Variants in CIZ1 observed in about 807,000 individuals in gnomAD.
CIZ1 encodes cip1-interacting zinc finger protein.
A neutral mutation model predicts 118.6 loss-of-function variants in CIZ1; 58 were observed. The observed-to-expected ratio is 0.49, with a 90% CI of 0.40 to 0.61. The LOEUF is 0.61. Ranked by LOEUF, CIZ1 falls within the 20% of genes least tolerant of loss-of-function variation. The pLI is 0.00. For synonymous variants in CIZ1, 448 were observed against 443.4 expected (o/e 1.01, Z -0.13); for missense variants, 921 against 1,115.9 (o/e 0.83, Z 2.49).
intron 14 of CIZ1, chr9:128,167,377 T>G (rs1199519185): frequency 6.7e-5 from 36 of 536,364 alleles, no homozygotes; most frequent in Non-Finnish European, 9.8e-6. Context: ...TCTGTTCAAC[T>G]AGCCCCCTCC....
chr9:128,173,593 T>G (rs996205413), intron 11 of CIZ1, among the ~76,000 whole-genome samples: 1 of 152,136 alleles, frequency 6.6e-6, no homozygotes, highest in Non-Finnish European at 1.5e-5. Context: ...TATTTTTCAA[T>G]GTGCATTTTG....
intron 5 of CIZ1, among the ~76,000 whole-genome samples, chr9:128,183,816 A>G (rs557287046): frequency 1.3e-5 from 2 of 152,220 alleles, no homozygotes; most frequent in East Asian, 3.9e-4. Flanking sequence ...CCCAGGCTGG[A>G]GTGCAATGGC....
chr9:128,180,069 G>C (rs374954742), intron 7 of CIZ1, among the ~76,000 whole-genome samples: 1 of 152,126 alleles, frequency 6.6e-6, no homozygotes, highest in South Asian at 2.1e-4. Flanking sequence ...TAAATAAACC[G>C]GGGAGGATCG....
chr9:128,183,573 G>C (rs1162224627), intron 5 of CIZ1, among the ~76,000 whole-genome samples: 1 of 152,240 alleles, frequency 6.6e-6, no homozygotes, highest in Non-Finnish European at 1.5e-5. Flanking sequence ...TCAGGGACAG[G>C]ACAGTCTAGG....
At chr9:128,200,305 T>C (rs1244904244) in intron 1 of CIZ1, 1 of 151,972 alleles carries the variant, frequency 6.6e-6, no homozygotes, top group Non-Finnish European at 1.5e-5. Context: ...TTTCAAATAC[T>C]TGTGTAAAGT....
At chr9:128,178,533 C>T (rs377648221) in intron 8 of CIZ1, 43 bp from the exon 9 acceptor site, 1 of 1,613,494 alleles carries the variant, frequency 6.2e-7, no homozygotes, top group Non-Finnish European at 8.5e-7. Context: ...TCCCCAGGCC[C>T]AAGAGCTGCC....
Position 128,176,527 on chromosome 9 carries a change from G to T in CIZ1, c.1819-52C>A, listed in dbSNP as rs1163186300. On this transcript the variant is annotated intron_variant, in intron 10 of 16. Coordinates refer to ENST00000372938, the MANE Select transcript of CIZ1 (RefSeq NM_001131016.2). ...GCCTGGGGCGTGAGCCCAGAACAGT[G>T]GGCAAGGCTGGGGCCTGGGGAGGCA... 3.8e-6 allele frequency: 6 copies of T among 1,575,796 alleles called. No individual in the cohort carries two copies. The Admixed American group carries it at 8.8e-5, about 23-fold the overall frequency.
At chr9:128,200,994 C>T (rs1298203764) in intron 1 of CIZ1, among the ~76,000 whole-genome samples, 3 of 151,894 alleles carry the variant, frequency 2.0e-5, no homozygotes, top group East Asian at 1.9e-4. Context: ...ATTGGCCGGG[C>T]GCAGTGGTTC....
chr9:128,198,704 T>A (rs45618932), intron 1 of CIZ1, among the ~76,000 whole-genome samples: 3,960 of 152,052 alleles, frequency 0.026, 179 homozygotes, highest in African/African-American at 0.088. Flanking sequence ...TGGTGGTGAG[T>A]GCCTGTCGTT....
rs1831426958 is a variant in CIZ1 at position 128,180,409 on chromosome 9, A to G, written c.791+6T>C. ...GGGCGCAGGTCAGGTTTTCAGCATCAGTTACCTCCTCAATCTCTTTGCTGG... is the reference window on the plus strand; with the variant it reads ...GGGCGCAGGTCAGGTTTTCAGCATCGGTTACCTCCTCAATCTCTTTGCTGG... On this transcript the variant is annotated splice_donor_region_variant and intron_variant, in intron 7 of 16. Transcript: ENST00000372938. 1 of 1,610,752 alleles carries G rather than the reference A, an allele frequency of 6.2e-7. No individual in the cohort carries two copies. Among genetic ancestry groups the G allele is most frequent in the Non-Finnish European group, 8.5e-7 (1 of 1,176,972 alleles).
rs757619613 is a variant in CIZ1 at position 128,179,149 on chromosome 9, T to G, written c.1058A>C (p.His353Pro). The G allele has an allele frequency of 1.2e-6, 2 of 1,614,014 alleles. No homozygotes were observed. Among genetic ancestry groups the G allele is most frequent in the Non-Finnish European group, 1.7e-6 (2 of 1,180,002 alleles). ...KQAQTQTSPE[H>P]LVLQQKQVQP... ...CACCTGCTTCTGTTGCAGCACTAAGTGCTCTGGAGAGGTCTGTGTTTGCGC... is the reference window on the plus strand; with the variant it reads ...CACCTGCTTCTGTTGCAGCACTAAGGGCTCTGGAGAGGTCTGTGTTTGCGC... Residue 353 changes from histidine (H) to proline (P), a missense_variant, in exon 8 of 17, where the codon CAC (histidine) becomes CCC (proline). Coordinates refer to ENST00000372938, the MANE Select transcript of CIZ1 (RefSeq NM_001131016.2).
rs1832272744 is a variant in CIZ1 at position 128,185,690 on chromosome 9, G to A, written c.445C>T (p.Gln149Ter). The A allele has an allele frequency of 3.1e-6, 5 of 1,609,542 alleles. No homozygotes were observed. Among genetic ancestry groups the A allele is most frequent in the Non-Finnish European group, 4.2e-6 (5 of 1,177,640 alleles). ...TGGCGAGTGGCCTGGGGAAAGAACT[G>A]TTGCAAATTTGGAGTGGCCAGTTGT... ...PPQLATPNLQ[Q>*]FFPQATRQSL... Residue 149 changes from glutamine (Q) to a stop codon, truncating the protein, a stop_gained, in exon 5 of 17, where the codon CAG becomes TAG. Transcript: ENST00000372938. LOFTEE classifies it high-confidence loss of function.
chr9:128,173,483 T>G (rs1200838345), intron 11 of CIZ1, among the ~76,000 whole-genome samples: 1 of 151,508 alleles, frequency 6.6e-6, no homozygotes, highest in Non-Finnish European at 1.5e-5. Flanking sequence ...ACAGGTCTCA[T>G]GACGGGCTGG....
chr9:128,181,776 GGGGGT>G (rs1831669203), intron 5 of CIZ1, among the ~76,000 whole-genome samples: 2 of 146,348 alleles, frequency 1.4e-5, no homozygotes, highest in East Asian at 2.0e-4. Context: ...GGGGGGGGGG[GGGGGT>G]CTCCCTTTCC....
At chr9:128,179,900 A>C (rs1831361282) in intron 7 of CIZ1, among the ~76,000 whole-genome samples, 1 of 150,568 alleles carries the variant, frequency 6.6e-6, no homozygotes, top group African/African-American at 2.4e-5. Flanking sequence ...TCAAACTCCC[A>C]ACCTCAGGTG....
At chr9:128,193,006 G>C (rs976166328), upstream of CIZ1, among the ~76,000 whole-genome samples, 21 of 152,228 alleles carry the variant, frequency 1.4e-4, no homozygotes, top group Non-Finnish European at 2.5e-4. Context: ...GACGGAGGGC[G>C]CTCGGGCAGC....
At chr9:128,201,715 G>A (rs192258942) in intron 1 of CIZ1, among the ~76,000 whole-genome samples, 3 of 152,302 alleles carry the variant, frequency 2.0e-5, no homozygotes, top group Non-Finnish European at 2.9e-5. Flanking sequence ...AGGGCCCCCT[G>A]AGCACTAGGC....
chr9:128,192,395 G>C (rs1453562527), upstream of CIZ1, among the ~76,000 whole-genome samples: 1 of 150,294 alleles, frequency 6.7e-6, no homozygotes. Context: ...ATTTTAAAAA[G>C]AAAAGGAGAG....
Position 128,191,222 on chromosome 9 carries a change from G to T in CIZ1, c.-6+210C>A. 3.2e-6 allele frequency: 1 copy of T among 313,262 alleles called. No homozygotes were observed. Among genetic ancestry groups the T allele is most frequent in the Non-Finnish European group, 5.9e-6 (1 of 169,680 alleles). 19.4% of individuals were successfully genotyped at this position (313,262 alleles called of 1,614,324 possible). On this transcript the variant is annotated intron_variant, in intron 1 of 16. Coordinates refer to ENST00000372938, the MANE Select transcript of CIZ1 (RefSeq NM_001131016.2). This position sits in a 1 kb window ranked among gnomAD's most constrained non-coding sequence, Gnocchi z 5.5. The stretch of plus-strand genomic sequence containing the variant: ...TCACTCACAGCCCCTTTTCAATACC[G>T]CAACCCTCTCTGGGCCCCCGGGTGT...
Sources: gnomAD v4.1 joint callset for allele counts (sites outside exome capture counted in the v4.1 genomes callset) on GRCh38, gnomAD v4.1.1 for gene constraint, Gnocchi (gnomAD v3.1) non-coding constraint, MANE v1.5 for transcripts, NCBI Gene and HGNC (gene_info 2026-07-23, HGNC 2026-07-21) for gene names.